The following CCNG1 variants were observed in gnomAD, a reference collection of about 807,000 sequenced individuals.
The protein encoded by CCNG1 is cyclin G1.
CCNG1 carries 13 observed loss-of-function variants against 30.0 expected under a neutral mutation model. The observed-to-expected ratio is 0.43, with a 90% confidence interval of 0.28 to 0.69. The LOEUF is 0.69. CCNG1 is among the 30% of genes least tolerant of loss of function. CCNG1 has a pLI of 0.16. For synonymous variants in CCNG1, 110 were observed against 121.5 expected, an observed-to-expected ratio of 0.91 and a Z score of 0.62; for missense variants, 285 against 331.4, an observed-to-expected ratio of 0.86 and a Z score of 1.09.
At chr5:163,441,029 G>A (rs552645058) in intron 2 of CCNG1, 49 bp from the exon 3 acceptor site, 2 of 1,547,996 alleles carry the variant, frequency 1.3e-6, no homozygotes, top group African/African-American at 1.4e-5. Flanking sequence ...TGTTTTAATT[G>A]AAATAAGGTA....
At chr5:163,455,108 A>G in the CCNG1 span, among the ~76,000 whole-genome samples, 1 of 152,102 alleles carries the variant, frequency 6.6e-6, no homozygotes, top group Non-Finnish European at 1.5e-5. Flanking sequence ...TAGTTTGCCA[A>G]CCGCTGATGT....
the CCNG1 span, among the ~76,000 whole-genome samples, chr5:163,454,323 G>A: frequency 2.0e-5 from 3 of 152,052 alleles, no homozygotes; most frequent in East Asian, 5.8e-4. Flanking sequence ...ATATTTAATA[G>A]CTAGCATTTT....
chr5:163,441,602 C>T, intron 3 of CCNG1: 1 of 482,224 alleles, frequency 2.1e-6, no homozygotes, highest in South Asian at 3.7e-5. Flanking sequence ...AAAGGACCTT[C>T]AGTGGATGTT....
chr5:163,450,796 A>G (rs769513197), downstream of CCNG1: 11 of 152,214 alleles, frequency 7.2e-5, no homozygotes, highest in South Asian at 2.1e-4. Context: ...TAACCTAAAA[A>G]TTCTACTCCT....
the CCNG1 span, among the ~76,000 whole-genome samples, chr5:163,454,445 G>A: frequency 1.3e-5 from 2 of 152,098 alleles, no homozygotes; most frequent in African/African-American, 4.8e-5. Context: ...AGGTTCAAGC[G>A]ATTCTCCTGC....
intron 2 of CCNG1, 121 bp downstream of exon 2, chr5:163,439,641 AT>A (rs1164329922): frequency 1.7e-5 from 13 of 751,438 alleles, no homozygotes; most frequent in Non-Finnish European, 2.6e-5. Context: ...CAAAACATTA[AT>A]TTTGTCTACT....
chr5:163,441,751 C>T (rs907068894), intron 3 of CCNG1, 135 bp from the exon 4 acceptor site: 2 of 621,812 alleles, frequency 3.2e-6, no homozygotes, highest in Non-Finnish European at 5.7e-6. Flanking sequence ...AAGGGGAATT[C>T]CTTTCAATAG....
the CCNG1 span, chr5:163,452,511 C>G: frequency 6.6e-6 from 1 of 151,886 alleles, no homozygotes; most frequent in African/African-American, 2.4e-5. Context: ...GTTTTTTAAC[C>G]TGCTGAATAA....
intron 1 of CCNG1, among the ~76,000 whole-genome samples, chr5:163,438,958 G>C (rs1223079635): frequency 6.6e-6 from 1 of 151,248 alleles, no homozygotes; most frequent in Non-Finnish European, 1.5e-5. Context: ...CCAGGGAGTC[G>C]GAGGTTGCAG....
At chr5:163,451,236 G>A in the CCNG1 span, 1 of 152,152 alleles carries the variant, frequency 6.6e-6, no homozygotes, top group Non-Finnish European at 1.5e-5. Context: ...TATACTAAAA[G>A]CTACTGAATT....
downstream of CCNG1, chr5:163,447,515 C>T (rs1758068701): frequency 6.7e-6 from 1 of 150,258 alleles, no homozygotes; most frequent in Admixed American, 6.6e-5. Flanking sequence ...TCTTCATTTA[C>T]AGTTGGAAAC....
the CCNG1 span, chr5:163,452,528 AAAT>A: frequency 5.3e-5 from 8 of 152,316 alleles, no homozygotes; most frequent in Admixed American, 2.0e-4. Context: ...ATAAAATAGA[AAAT>A]AATGAGTTTA....
At chr5:163,449,444 C>T (rs926932857), downstream of CCNG1, 1 of 152,112 alleles carries the variant, frequency 6.6e-6, no homozygotes, top group Non-Finnish European at 1.5e-5. Context: ...TGAAAAATGA[C>T]ATAAAATGCT....
At chr5:163,457,302 T>G in the CCNG1 span, among the ~76,000 whole-genome samples, 3 of 152,300 alleles carry the variant, frequency 2.0e-5, no homozygotes, top group African/African-American at 7.2e-5. Context: ...CGGCTAACTT[T>G]TGTATTTTTA....
chr5:163,439,800 G>A (rs1489554980), intron 2 of CCNG1, among the ~76,000 whole-genome samples: 5 of 152,030 alleles, frequency 3.3e-5, no homozygotes. Context: ...TTCTTGATAG[G>A]TTGGATTTGT....
the CCNG1 span, chr5:163,457,040 CTT>C: frequency 3.6e-5 from 58 of 1,612,984 alleles, no homozygotes; most frequent in South Asian, 4.4e-5. Flanking sequence ...CTGCATCTCT[CTT>C]TGTCTTTGTA....
In CCNG1 at chr5:163,444,504, A is replaced by T. The variant is rs1476447043; in HGVS notation, c.*834A>T. 1 of 152,610 alleles carries T rather than the reference A, an allele frequency of 6.6e-6. No individual in the cohort carries two copies. Among genetic ancestry groups the T allele is most frequent in the East Asian group, 1.9e-4 (1 of 5,198 alleles). The allele number at this position is 152,610 out of a possible 1,614,324, so 9.5% of individuals were successfully genotyped here. On this transcript the variant is annotated 3_prime_UTR_variant, in exon 7 of 7. Transcript: ENST00000340828. ...AAGGTAAGTTCAGACTAGATTGAAC[A>T]CTCCAGAATTTTTTACTACAGACTG...
the CCNG1 span, chr5:163,452,347 G>A: frequency 6.6e-6 from 1 of 152,122 alleles, no homozygotes; most frequent in Non-Finnish European, 1.5e-5. Flanking sequence ...GTTAGGTCGA[G>A]GACAGCATGA....
the CCNG1 span, among the ~76,000 whole-genome samples, chr5:163,454,502 T>C: frequency 0.58 from 87,755 of 151,932 alleles, 25,850 homozygotes; most frequent in East Asian, 0.82. Flanking sequence ...CCACCATGCC[T>C]GGCTAATTTT....
Sources: gnomAD v4.1 joint callset for allele counts (sites outside exome capture counted in the v4.1 genomes callset) on GRCh38, gnomAD v4.1.1 for gene constraint, MANE v1.5 for transcripts, NCBI Gene and HGNC (gene_info 2026-07-23, HGNC 2026-07-21) for gene names.